The following PLA2G4B variants were observed in gnomAD, a reference collection of about 807,000 sequenced individuals.
PLA2G4B encodes the protein phospholipase A2 group IVB, also known as cytosolic phospholipase A2 beta.
Under a neutral mutation model 95.8 loss-of-function variants are expected in PLA2G4B, and 122 were observed. That is an observed-to-expected ratio of 1.27 (90% CI 1.10 to 1.48). PLA2G4B has a LOEUF of 1.48. Ranked by LOEUF, PLA2G4B falls within the 40% of genes most tolerant of loss-of-function variation. The pLI, the probability that PLA2G4B is intolerant of heterozygous loss-of-function variation, is 0.00. For synonymous variants in PLA2G4B, 518 were observed against 421.5 expected (o/e 1.23, Z -2.80); for missense variants, 1,158 against 996.2 (o/e 1.16, Z -2.19).
Position 41,838,865 on chromosome 15 carries a change from G to A in PLA2G4B, c.-49G>A. On this transcript the variant is annotated 5_prime_UTR_variant, in exon 1 of 20. Coordinates refer to ENST00000458483, the MANE Select transcript of PLA2G4B (RefSeq NM_001114633.2). ...CTGGGTTAGAAAGCTGACAGTCCTT[G>A]ATCCTGTGGCCACTGCCCCATCATT... 1 of 1,575,280 alleles carries A rather than the reference G, an allele frequency of 6.3e-7. No homozygotes were observed. Among genetic ancestry groups the A allele is most frequent in the Non-Finnish European group, 8.6e-7 (1 of 1,156,634 alleles).
intron 10 of PLA2G4B, 79 bp downstream of exon 10, chr15:41,842,670 A>G: frequency 6.4e-7 from 1 of 1,562,824 alleles, no homozygotes; most frequent in African/African-American, 1.4e-5. Flanking sequence ...TGGAGGAGTG[A>G]GGGGGAGAAA....
At position 41,844,455 on chromosome 15, in the gene PLA2G4B, C is replaced by T; in HGVS notation, c.880-16C>T. ...ATCCCTAGGGCCTCTACAGGCCTGG[C>T]TCTCTTCTTTTCCAGATCCCAGTGG... On this transcript the variant is annotated splice_polypyrimidine_tract_variant and intron_variant, in intron 11 of 19. Transcript: ENST00000458483. The T allele has an allele frequency of 6.2e-7, 1 of 1,613,988 alleles. No homozygotes were observed. The highest frequency in any genetic ancestry group is 1.3e-5 in the African/African-American group (1 of 74,858).
intron 12 of PLA2G4B, 43 bp downstream of exon 12, chr15:41,844,650 G>A (rs111479830): frequency 6.2e-7 from 1 of 1,612,712 alleles, no homozygotes; most frequent in Non-Finnish European, 8.5e-7. Context: ...TGTGGCAGGG[G>A]GTGCTGGTGC....
intron 3 of PLA2G4B, 22 bp downstream of exon 3, chr15:41,840,682 A>G (rs989835371): frequency 1.2e-6 from 2 of 1,608,432 alleles, no homozygotes; most frequent in Non-Finnish European, 1.7e-6. Context: ...ATCAGCGCTG[A>G]CTCTACCCAC....
chr15:41,847,832 A>C lies in PLA2G4B; in HGVS notation c.2318A>C (p.Gln773Pro). ...QLLEALRQAV[Q>P]RRRQRRPH ...CTGGAGGCTCTGCGCCAGGCAGTGC[A>C]GCGGAGGCGGCAGCGCAGGCCCCAC... Residue 773 changes from glutamine to proline, a missense_variant, in exon 20 of 20, where the codon CAG becomes CCG. Transcript: ENST00000458483. 1 of 1,613,038 alleles carries C rather than the reference A, an allele frequency of 6.2e-7. No individual in the cohort carries two copies. The highest frequency in any genetic ancestry group is 8.5e-7 in the Non-Finnish European group (1 of 1,180,000).
chr15:41,847,808 T>G lies in PLA2G4B; in HGVS notation c.2294T>G (p.Leu765Arg), dbSNP rs1000693798. 1 of 1,608,688 alleles carries G rather than the reference T, an allele frequency of 6.2e-7. No individual in the cohort carries two copies. The highest frequency in any genetic ancestry group is 8.5e-7 in the Non-Finnish European group (1 of 1,179,996). Residue 765 changes from leucine (L) to arginine (R), a missense_variant, in exon 20 of 20, where the codon CTG (leucine) becomes CGG (arginine). Transcript: ENST00000458483. ...YNVCNNQEQL[L>R]EALRQAVQRR... Reference sequence around the variant, plus strand: ...GTCTGCAACAACCAGGAGCAGCTGCTGGAGGCTCTGCGCCAGGCAGTGCAG... The same window carrying G: ...GTCTGCAACAACCAGGAGCAGCTGCGGGAGGCTCTGCGCCAGGCAGTGCAG...
intron 19 of PLA2G4B, 36 bp from the exon 20 acceptor site, chr15:41,847,613 A>T: frequency 6.2e-7 from 1 of 1,612,762 alleles, no homozygotes; most frequent in Non-Finnish European, 8.5e-7. Context: ...CTTCCCCACA[A>T]CGTGTTCCCC....
At chr15:41,842,080 C>G in intron 8 of PLA2G4B, 113 bp from the exon 9 acceptor site, 1 of 1,564,528 alleles carries the variant, frequency 6.4e-7, no homozygotes, top group South Asian at 1.2e-5. Context: ...CCATGCTGGC[C>G]TCCCCTTCCC....
chr15:41,845,367 T>C (rs897381757), intron 14 of PLA2G4B, 47 bp downstream of exon 14: 2 of 1,598,058 alleles, frequency 1.3e-6, no homozygotes, highest in Non-Finnish European at 8.6e-7. Flanking sequence ...GTTGGTGGAA[T>C]AAGGGGAGAA....
rs143911580 is a variant in PLA2G4B at position 41,845,677 on chromosome 15, A to C, written c.1397A>C (p.Lys466Thr). ...TCTCCCTACGAGGTCGGCTTCCCCA[A>C]GTACGGGGCCTTCATCCCCTCTGAG... ...EFSPYEVGFP[K>T]YGAFIPSELF... Residue 466 changes from lysine (K) to threonine (T), a missense_variant, in exon 15 of 20, where the codon AAG becomes ACG. Lys to Thr is a moderately conservative substitution (Grantham distance 78). Transcript: ENST00000458483. 1 of 1,614,028 alleles carries C rather than the reference A, an allele frequency of 6.2e-7. No individual in the cohort carries two copies. The highest frequency in any genetic ancestry group is 8.5e-7 in the Non-Finnish European group (1 of 1,180,014).
chr15:41,845,174 G>A, intron 13 of PLA2G4B, 29 bp from the exon 14 acceptor site: 1 of 1,613,836 alleles, frequency 6.2e-7, no homozygotes, highest in Non-Finnish European at 8.5e-7. Context: ...AGGCCGCTGT[G>A]GGTTTAGGTT....
rs868339930 is a variant in PLA2G4B, at chr15:41,839,713, G to A, written c.10-445G>A. The stretch of plus-strand genomic sequence containing the variant: ...GGAAAGCTGCTTAGCTGGGGTGTGG[G>A]CTGGGGATGTGGGGTGGAGAGCCTA... On this transcript the variant is annotated intron_variant, in intron 1 of 19. Coordinates refer to ENST00000458483, the MANE Select transcript of PLA2G4B (RefSeq NM_001114633.2). 4 of 166,146 alleles carry A rather than the reference G, an allele frequency of 2.4e-5. No homozygotes were observed. In the Middle Eastern group the frequency reaches 2.8e-3, roughly 115 times the overall value. 10.3% of individuals were successfully genotyped at this position (166,146 alleles called of 1,614,324 possible).
chr15:41,845,890 G>C (rs1156643201), intron 15 of PLA2G4B, 53 bp from the exon 16 acceptor site: 2 of 1,517,488 alleles, frequency 1.3e-6, no homozygotes, highest in East Asian at 2.3e-5. Flanking sequence ...ATGGGGAAGG[G>C]TAGGATTGGG....
Position 41,847,899 on chromosome 15 carries a change from C to T in PLA2G4B, c.*39C>T. 2 of 1,583,910 alleles carry T rather than the reference C, an allele frequency of 1.3e-6. No individual in the cohort carries two copies. The highest frequency in any genetic ancestry group is 1.7e-6 in the Non-Finnish European group (2 of 1,169,532). ...TGCCACCCCTAACTCTCATTCATTC[C>T]CTGGCTGCTGAGTTGCAGGTGGGAA... is the stretch of plus-strand genomic sequence containing the variant. On this transcript the variant is annotated 3_prime_UTR_variant, in exon 20 of 20. Coordinates refer to ENST00000458483, the MANE Select transcript of PLA2G4B (RefSeq NM_001114633.2).
At chr15:41,846,904 G>A (rs1221276071) in intron 18 of PLA2G4B, 69 bp downstream of exon 18, 27 of 1,499,474 alleles carry the variant, frequency 1.8e-5, no homozygotes, top group South Asian at 5.4e-5. Flanking sequence ...GAGGGGCTTT[G>A]GAGTCCAGTG....
intron 10 of PLA2G4B, 178 bp downstream of exon 10, chr15:41,842,769 C>A: frequency 2.1e-6 from 2 of 965,606 alleles, no homozygotes; most frequent in Non-Finnish European, 2.9e-6. Context: ...TGGGAGGAGT[C>A]TTAGCACCTA....
Position 41,846,047 on chromosome 15 carries a change from G to A in PLA2G4B, c.1600G>A (p.Asp534Asn), listed in dbSNP as rs1463640340. The A allele has an allele frequency of 5.1e-6, 8 of 1,563,692 alleles. No homozygotes were observed. The highest frequency in any genetic ancestry group is 1.4e-5 in the African/African-American group (1 of 73,362). The change falls in exon 16 of 20, where the codon GAC becomes AAC. Residue 534 changes from aspartate to asparagine, a missense_variant and splice_region_variant. Physicochemically the swap from Asp to Asn is conservative, Grantham distance 23. Transcript: ENST00000458483. The stretch of plus-strand genomic sequence containing the variant: ...CTGGGTCAGGAACCAGGCCAACCTG[G>A]GTAAGTGCTCCGGGCCCTTCATAAG... ...DRWVRNQANLDKEQVPLLKIE... is the reference protein window; with the variant it reads ...DRWVRNQANLNKEQVPLLKIE...
chr15:41,839,200 C>T (rs1403175553), intron 1 of PLA2G4B: 3 of 339,284 alleles, frequency 8.8e-6, no homozygotes, highest in African/African-American at 2.1e-5. Context: ...CAGCTGCCGC[C>T]CTGAGGCCCT....
chr15:41,842,604 G>A lies in PLA2G4B; in HGVS notation c.743+13G>A. The A allele has an allele frequency of 6.2e-7, 1 of 1,608,742 alleles. No individual in the cohort carries two copies. The highest frequency in any genetic ancestry group is 1.7e-5 in the Admixed American group (1 of 58,080). On this transcript the variant is annotated intron_variant, in intron 10 of 19. Coordinates refer to ENST00000458483, the MANE Select transcript of PLA2G4B (RefSeq NM_001114633.2). ...AAAAAGAAGCAGGGTGAGAGGCCTG[G>A]CTGGGGACTGGGCAAGGCCCTGGAA...
Sources: allele counts gnomAD v4.1 joint callset, GRCh38; gene constraint gnomAD v4.1.1; transcripts MANE v1.5; gene names NCBI Gene and HGNC (gene_info 2026-07-23, HGNC 2026-07-21).